CALN1: variants seen among roughly 807,000 people sequenced by gnomAD.
The protein encoded by CALN1 is calneuron 1.
In CALN1, 17 loss-of-function variants were observed where a neutral mutation model predicts 30.6. That is an observed-to-expected ratio of 0.56 (90% CI 0.38 to 0.83). CALN1 has a LOEUF of 0.83. Ranked by LOEUF, CALN1 falls within the 40% of genes least tolerant of loss-of-function variation. The pLI is 0.00. For synonymous variants in CALN1, 156 were observed against 131.4 expected (o/e 1.19, Z -1.28); for missense variants, 291 against 354.9 (o/e 0.82, Z 1.45).
intron 5 of CALN1, among the ~76,000 whole-genome samples, chr7:71,980,911 GCTC>G (rs1798361147): frequency 6.6e-6 from 1 of 152,076 alleles, no homozygotes; most frequent in Non-Finnish European, 1.5e-5. Context: ...CTGAGAGCAG[GCTC>G]CTCGACTCAG....
At chr7:71,803,703 G>A (rs1787439846) in intron 6 of CALN1, among the ~76,000 whole-genome samples, 2 of 151,994 alleles carry the variant, frequency 1.3e-5, no homozygotes, top group Admixed American at 6.5e-5. Flanking sequence ...TCGAACTCCT[G>A]ACCTCAGGTG....
chr7:71,819,705 G>A (rs1055881323), intron 5 of CALN1, among the ~76,000 whole-genome samples: 3 of 151,896 alleles, frequency 2.0e-5, no homozygotes, highest in African/African-American at 7.3e-5. Flanking sequence ...GTTTCTCTGT[G>A]TCTTTGACTT....
intron 4 of CALN1, among the ~76,000 whole-genome samples, chr7:72,033,320 T>C (rs1364830180): frequency 6.6e-6 from 1 of 151,924 alleles, no homozygotes; most frequent in Non-Finnish European, 1.5e-5. Context: ...AGGAGAGGAA[T>C]ATACAGGAAA....
At chr7:72,367,740 C>G (rs937225560) in intron 2 of CALN1, among the ~76,000 whole-genome samples, 1 of 152,156 alleles carries the variant, frequency 6.6e-6, no homozygotes, top group African/African-American at 2.4e-5. Flanking sequence ...GAAGCTGAGG[C>G]AAGGGGATCG....
intron 3 of CALN1, among the ~76,000 whole-genome samples, chr7:72,143,390 A>G (rs942842238): frequency 2.0e-4 from 30 of 152,232 alleles, no homozygotes; most frequent in Admixed American, 2.0e-3. Flanking sequence ...GGAAGATCAA[A>G]TGAATGAAAT....
chr7:72,080,070 C>G (rs1038209446), intron 4 of CALN1, among the ~76,000 whole-genome samples: 1 of 152,190 alleles, frequency 6.6e-6, no homozygotes, highest in Non-Finnish European at 1.5e-5. Context: ...CGCACCTGGC[C>G]CAAGAGGTTG....
chr7:72,377,429 A>G (rs1804624935), intron 2 of CALN1, among the ~76,000 whole-genome samples: 1 of 124,534 alleles, frequency 8.0e-6, no homozygotes, highest in Non-Finnish European at 1.7e-5. Context: ...AATATGGGCC[A>G]CACTTTCGTG....
At chr7:72,296,042 A>T (rs2129555277) in intron 2 of CALN1, among the ~76,000 whole-genome samples, 1 of 152,300 alleles carries the variant, frequency 6.6e-6, no homozygotes, top group South Asian at 2.1e-4. Context: ...CATCCCATCA[A>T]TACCTAATTT....
At chr7:72,181,541 T>C (rs1442903561) in intron 3 of CALN1, among the ~76,000 whole-genome samples, 1 of 151,384 alleles carries the variant, frequency 6.6e-6, no homozygotes, top group Non-Finnish European at 1.5e-5. Context: ...TGCTATGGCA[T>C]GGTCTCGGCT....
At chr7:72,266,676 T>C (rs988366020) in intron 3 of CALN1, among the ~76,000 whole-genome samples, 6 of 152,194 alleles carry the variant, frequency 3.9e-5, no homozygotes, top group Non-Finnish European at 5.9e-5. Context: ...TACAAATTAA[T>C]AGCATGAAGC....
chr7:71,955,441 A>G (rs894952775), intron 5 of CALN1, among the ~76,000 whole-genome samples: 1 of 152,034 alleles, frequency 6.6e-6, no homozygotes, highest in African/African-American at 2.4e-5. Flanking sequence ...CCTTTATTTA[A>G]ATCTCAAAAT....
the CALN1 span, among the ~76,000 whole-genome samples, chr7:72,502,927 C>T: frequency 6.6e-6 from 1 of 152,110 alleles, no homozygotes; most frequent in Non-Finnish European, 1.5e-5. Flanking sequence ...CCAAAGGAGG[C>T]AGATTGCTTG....
intron 2 of CALN1, among the ~76,000 whole-genome samples, chr7:72,305,198 C>T (rs79224815): frequency 6.6e-6 from 1 of 152,198 alleles, no homozygotes; most frequent in Admixed American, 6.5e-5. Flanking sequence ...CAGAGAACTG[C>T]GGAGGATTGC....
intron 2 of CALN1, among the ~76,000 whole-genome samples, chr7:72,393,239 G>A (rs765386324): frequency 2.6e-5 from 4 of 152,186 alleles, no homozygotes; most frequent in African/African-American, 4.8e-5. Flanking sequence ...AGGCCGAGGC[G>A]TGTGGATCAT....
intron 2 of CALN1, among the ~76,000 whole-genome samples, chr7:72,291,563 G>A (rs10277004): frequency 0.31 from 46,944 of 152,154 alleles, 7,821 homozygotes; most frequent in Non-Finnish European, 0.36. Flanking sequence ...CACTGGCTTA[G>A]AGTTTTGATT....
intron 3 of CALN1, among the ~76,000 whole-genome samples, chr7:72,216,505 G>A (rs967277753): frequency 1.3e-5 from 2 of 152,038 alleles, no homozygotes; most frequent in Non-Finnish European, 2.9e-5. Flanking sequence ...ATAATTCTGT[G>A]TATCATAGGG....
intron 4 of CALN1, among the ~76,000 whole-genome samples, chr7:72,090,005 A>G (rs772250147): frequency 2.0e-5 from 3 of 152,222 alleles, no homozygotes; most frequent in Non-Finnish European, 4.4e-5. Context: ...CTTACTTTGC[A>G]TAATGCAATG....
At chr7:71,899,112 C>T (rs76288125) in intron 5 of CALN1, among the ~76,000 whole-genome samples, 3,539 of 150,858 alleles carry the variant, frequency 0.023, 130 homozygotes, top group African/African-American at 0.078. Flanking sequence ...CTCTCTCTCT[C>T]TCACTCTCCC....
intron 2 of CALN1, among the ~76,000 whole-genome samples, chr7:72,330,568 AT>A (rs1189529588): frequency 1.3e-5 from 2 of 151,560 alleles, no homozygotes; most frequent in South Asian, 2.1e-4. Flanking sequence ...TTATTTCCAT[AT>A]TTTTTATTGT....
Sources: allele counts gnomAD v4.1 joint callset (sites outside exome capture counted in the v4.1 genomes callset), GRCh38; gene constraint gnomAD v4.1.1; transcripts MANE v1.5; gene names NCBI Gene and HGNC (gene_info 2026-07-23, HGNC 2026-07-21).